Variants in PYHIN1 observed in about 807,000 individuals in gnomAD.
PYHIN1 encodes the protein pyrin and HIN domain-containing protein 1.
In PYHIN1, 32 loss-of-function variants were observed where a neutral mutation model predicts 43.7. The observed-to-expected ratio is 0.73, with a 90% CI of 0.55 to 0.98. PYHIN1 has a LOEUF of 0.98. Ranked by LOEUF, PYHIN1 falls within the 50% of genes least tolerant of loss-of-function variation. PYHIN1 has a pLI of 0.00. For missense variants in PYHIN1, 588 were observed against 589.5 expected, an observed-to-expected ratio of 1.00 and a Z score of 0.03; for synonymous variants, 205 against 203.1, an observed-to-expected ratio of 1.01 and a Z score of -0.08.
chr1:158,959,080 G>C (rs1179448330), intron 7 of PYHIN1, among the ~76,000 whole-genome samples: 1 of 151,698 alleles, frequency 6.6e-6, no homozygotes, highest in African/African-American at 2.4e-5. Flanking sequence ...TGACCGTGCA[G>C]TTTTTTTCAC....
the PYHIN1 span, among the ~76,000 whole-genome samples, chr1:158,982,870 G>C: frequency 6.6e-6 from 1 of 151,514 alleles, no homozygotes; most frequent in Non-Finnish European, 1.5e-5. Flanking sequence ...CAGGTTAGCT[G>C]TATTCCTATG....
At chr1:158,974,280 T>C (rs1052003165) in intron 8 of PYHIN1, among the ~76,000 whole-genome samples, 1 of 152,072 alleles carries the variant, frequency 6.6e-6, no homozygotes, top group Non-Finnish European at 1.5e-5. Flanking sequence ...AGAAAAATAC[T>C]GCACTGATAT....
At chr1:158,979,707 G>A (rs144451960), downstream of PYHIN1, among the ~76,000 whole-genome samples, 1 of 152,038 alleles carries the variant, frequency 6.6e-6, no homozygotes, top group Non-Finnish European at 1.5e-5. Context: ...TAAATCTTGG[G>A]TCATATGGTA....
At chr1:158,974,101 A>G (rs1034923007) in intron 8 of PYHIN1, among the ~76,000 whole-genome samples, 1 of 152,014 alleles carries the variant, frequency 6.6e-6, no homozygotes, top group Non-Finnish European at 1.5e-5. Context: ...TTCCTTTCAC[A>G]ATTTTCCACT....
rs373309699 is a variant in PYHIN1, at chr1:158,973,254, T to C, written c.1360-393T>C. Among the ~76,000 whole-genome samples, 13 of 152,048 alleles carry C rather than the reference T, an allele frequency of 8.5e-5. 1 individual carries two copies. The East Asian group carries it at 1.9e-3, about 23-fold the overall frequency. ...GACTGGATTTTTCTTTATTATTTTG[T>C]TATTGTTACCCAAAGTTCATATTTT... On this transcript the variant is annotated intron_variant, in intron 7 of 8. Transcript: ENST00000368140.
intron 8 of PYHIN1, among the ~76,000 whole-genome samples, chr1:158,975,679 C>T (rs1053220519): frequency 3.3e-5 from 5 of 152,228 alleles, no homozygotes; most frequent in African/African-American, 9.6e-5. Flanking sequence ...AGGGAAAAAA[C>T]GTGTTCTGCT....
intron 7 of PYHIN1, among the ~76,000 whole-genome samples, chr1:158,950,499 G>A (rs1009859221): frequency 1.3e-5 from 2 of 152,126 alleles, no homozygotes; most frequent in Non-Finnish European, 1.5e-5. Context: ...ATCCAAAGAG[G>A]ACCTGAGGGT....
chr1:158,937,075 G>A lies in PYHIN1; in HGVS notation c.165G>A (p.Lys55=), dbSNP rs769248590. 1.2e-6 allele frequency: 2 copies of A among 1,614,038 alleles called. No homozygotes were observed. The highest frequency in any genetic ancestry group is 1.7e-6 in the Non-Finnish European group (2 of 1,180,022). The change falls in exon 2 of 9, where the codon AAG becomes AAA. Residue 55 remains lysine, a synonymous_variant. Coordinates refer to ENST00000368140, the MANE Select transcript of PYHIN1 (RefSeq NM_152501.5). ...KIQIADLMEE[K]FPGDAGLGKL... ...AGATTGCTGACTTGATGGAGGAAAAGTTCCCAGGTGATGCCGGTTTGGGCA... is the reference window on the plus strand; with the variant it reads ...AGATTGCTGACTTGATGGAGGAAAAATTCCCAGGTGATGCCGGTTTGGGCA...
intron 7 of PYHIN1, among the ~76,000 whole-genome samples, chr1:158,952,905 C>A (rs538449723): frequency 5.3e-5 from 8 of 152,160 alleles, no homozygotes; most frequent in East Asian, 1.9e-4. Context: ...ACGCACCATG[C>A]GCGAGCCGAA....
At chr1:158,952,534 C>T (rs1188008996) in intron 7 of PYHIN1, among the ~76,000 whole-genome samples, 1 of 152,080 alleles carries the variant, frequency 6.6e-6, no homozygotes, top group Non-Finnish European at 1.5e-5. Context: ...TCAGGCAAAA[C>T]CTCCATTCAT....
the PYHIN1 span, among the ~76,000 whole-genome samples, chr1:158,986,547 G>T: frequency 6.6e-6 from 1 of 152,148 alleles, no homozygotes; most frequent in African/African-American, 2.4e-5. Flanking sequence ...AAAATGCTTT[G>T]GTGGGACAGC....
At chr1:158,935,689 C>T (rs925029578) in intron 1 of PYHIN1, among the ~76,000 whole-genome samples, 5 of 152,100 alleles carry the variant, frequency 3.3e-5, no homozygotes, top group Admixed American at 1.3e-4. Context: ...TGTAGTGCTG[C>T]GGCAGAAAGT....
At chr1:158,990,084 C>T in the PYHIN1 span, among the ~76,000 whole-genome samples, 2 of 152,088 alleles carry the variant, frequency 1.3e-5, no homozygotes, top group African/African-American at 2.4e-5. Context: ...AGTCAACTTC[C>T]ACTCATGATG....
At chr1:158,950,528 C>T (rs1102003) in intron 7 of PYHIN1, among the ~76,000 whole-genome samples, 123,888 of 152,118 alleles carry the variant, frequency 0.81, 51,920 homozygotes, top group East Asian at 0.99. Flanking sequence ...ACAAGCATAC[C>T]CTCTTCCCCA....
rs1648578539 is a variant in PYHIN1, at chr1:158,936,896, C to T, written c.-15C>T. On this transcript the variant is annotated 5_prime_UTR_variant, in exon 2 of 9. Coordinates refer to ENST00000368140, the MANE Select transcript of PYHIN1 (RefSeq NM_152501.5). ...ATACCATTTTTCTCTTGCAGGCTCA[C>T]TTATATCTTTAGAGATGGCAAATAA... 1 of 1,556,056 alleles carries T rather than the reference C, an allele frequency of 6.4e-7. No individual in the cohort carries two copies. Among genetic ancestry groups the T allele is most frequent in the Non-Finnish European group, 8.7e-7 (1 of 1,154,650 alleles).
the PYHIN1 span, among the ~76,000 whole-genome samples, chr1:158,982,555 G>T: frequency 6.6e-6 from 1 of 152,124 alleles, no homozygotes; most frequent in Non-Finnish European, 1.5e-5. Context: ...TTGTAGTATA[G>T]TTTGAATTTG....
chr1:158,968,219 A>C (rs1468884255), intron 7 of PYHIN1, among the ~76,000 whole-genome samples: 1 of 152,098 alleles, frequency 6.6e-6, no homozygotes, highest in Non-Finnish European at 1.5e-5. Context: ...TGTTATCCAG[A>C]ATCTATAAAG....
At chr1:158,974,693 C>T (rs904873276) in intron 8 of PYHIN1, among the ~76,000 whole-genome samples, 21 of 152,030 alleles carry the variant, frequency 1.4e-4, no homozygotes, top group African/African-American at 4.1e-4. Context: ...AATTTGTGGT[C>T]GTTTTTTGGT....
intron 7 of PYHIN1, among the ~76,000 whole-genome samples, chr1:158,960,989 A>T (rs1223215300): frequency 6.6e-6 from 1 of 152,200 alleles, no homozygotes; most frequent in Non-Finnish European, 1.5e-5. Context: ...GGTTTCCATG[A>T]GAAAGGTAAA....
Sources: allele counts gnomAD v4.1 joint callset (sites outside exome capture counted in the v4.1 genomes callset), GRCh38; gene constraint gnomAD v4.1.1; transcripts MANE v1.5; gene names NCBI Gene and HGNC (gene_info 2026-07-23, HGNC 2026-07-21).